SLC9C2: variants seen among roughly 807,000 people sequenced by gnomAD.
SLC9C2 encodes solute carrier family 9 member C2 (putative).
A neutral mutation model predicts 140.2 loss-of-function variants in SLC9C2; 75 were observed. That is an observed-to-expected ratio of 0.53 (90% CI 0.44 to 0.65). SLC9C2 has a LOEUF of 0.65. Ranked by LOEUF, SLC9C2 falls within the 30% of genes least tolerant of loss-of-function variation. The pLI is 0.00. For synonymous variants in SLC9C2, 375 were observed against 420.9 expected (o/e 0.89, Z 1.34); for missense variants, 1,074 against 1,331.8 (o/e 0.81, Z 3.01).
intron 11 of SLC9C2, among the ~76,000 whole-genome samples, chr1:173,553,696 C>A (rs1161426970): frequency 2.0e-5 from 3 of 152,238 alleles, no homozygotes; most frequent in Non-Finnish European, 4.4e-5. Context: ...GTAAACACAA[C>A]TTTTATATGT....
intron 2 of SLC9C2, among the ~76,000 whole-genome samples, chr1:173,601,334 G>A (rs2102286910): frequency 6.6e-6 from 1 of 152,258 alleles, no homozygotes; most frequent in Non-Finnish European, 1.5e-5. Context: ...GAATCTTGAC[G>A]ACAACTTTAT....
At chr1:173,596,955 G>A (rs1485897248) in intron 4 of SLC9C2, among the ~76,000 whole-genome samples, 1 of 151,884 alleles carries the variant, frequency 6.6e-6, no homozygotes, top group African/African-American at 2.4e-5. Context: ...ATAATTGCAA[G>A]GAGAAATTCA....
chr1:173,526,368 T>A (rs1661197317), intron 19 of SLC9C2, among the ~76,000 whole-genome samples: 1 of 152,196 alleles, frequency 6.6e-6, no homozygotes, highest in East Asian at 1.9e-4. Context: ...TTAATACACT[T>A]TCCACACTCC....
chr1:173,569,363 G>C (rs1389182102), intron 9 of SLC9C2, among the ~76,000 whole-genome samples: 1 of 151,742 alleles, frequency 6.6e-6, no homozygotes, highest in Non-Finnish European at 1.5e-5. Flanking sequence ...CTTCTTTTCT[G>C]CTTTTAGGGT....
At chr1:173,576,521 A>T (rs576408849) in intron 8 of SLC9C2, 140 bp downstream of exon 8, 4 of 558,636 alleles carry the variant, frequency 7.2e-6, no homozygotes, top group Non-Finnish European at 1.2e-5. Flanking sequence ...ATTCTTTTCA[A>T]ATATAACTGA....
At chr1:173,543,578 G>A (rs1230982254) in intron 13 of SLC9C2, among the ~76,000 whole-genome samples, 2 of 152,152 alleles carry the variant, frequency 1.3e-5, no homozygotes, top group Non-Finnish European at 2.9e-5. Context: ...CAAAGCTGGA[G>A]GCATCACACT....
intron 13 of SLC9C2, 105 bp downstream of exon 13, chr1:173,547,584 T>C (rs1414578204): frequency 1.4e-6 from 1 of 740,520 alleles, no homozygotes; most frequent in Non-Finnish European, 2.1e-6. Context: ...TAACAATCAA[T>C]AGACTATGAG....
At chr1:173,545,083 T>A (rs1376275467) in intron 13 of SLC9C2, among the ~76,000 whole-genome samples, 2 of 152,162 alleles carry the variant, frequency 1.3e-5, no homozygotes, top group Non-Finnish European at 1.5e-5. Flanking sequence ...AGGGTGTGGC[T>A]GAAGGCCCTT....
chr1:173,597,845 T>A (rs1666529410), intron 4 of SLC9C2, 59 bp downstream of exon 4: 2 of 1,477,282 alleles, frequency 1.4e-6, no homozygotes, highest in East Asian at 4.8e-5. Flanking sequence ...GGCAGCCATA[T>A]TCTCTATCAA....
Position 173,599,362 on chromosome 1 carries a change from A to ATTTTTTTTTTTTT in SLC9C2, c.228+742_228+754dup, listed in dbSNP as rs61579339. Reference sequence around the variant, plus strand: ...CAAGAGCGCAAACACATTTTCCTTGATTTTTTTTTTTTTTTTTTTTTTTTT... The same window carrying ATTTTTTTTTTTTT: ...CAAGAGCGCAAACACATTTTCCTTGATTTTTTTTTTTTTTTTTTTTTTTTTTTTTTTTTTTTTT... On this transcript the variant is annotated intron_variant, in intron 3 of 27. Transcript: ENST00000367714. 1.1e-3 allele frequency among the ~76,000 whole-genome samples: 73 copies of ATTTTTTTTTTTTT among 68,116 alleles called. 19 individuals carry two copies. The highest frequency in any genetic ancestry group is 2.8e-3 in the African/African-American group (59 of 21,134). 44.7% of individuals were successfully genotyped at this position (68,116 alleles called of 152,430 possible).
intron 17 of SLC9C2, among the ~76,000 whole-genome samples, chr1:173,532,793 T>C (rs1411204009): frequency 1.3e-5 from 2 of 152,134 alleles, no homozygotes; most frequent in Admixed American, 6.5e-5. Context: ...ATGCCTGTAA[T>C]CCCAGCACTT....
chr1:173,518,408 ATAT>A (rs1219168322), intron 22 of SLC9C2, among the ~76,000 whole-genome samples: 1 of 152,282 alleles, frequency 6.6e-6, no homozygotes, highest in East Asian at 1.9e-4. Context: ...CATAAATCAG[ATAT>A]TATGAATTAA....
chr1:173,573,435 C>T, intron 8 of SLC9C2, 110 bp from the exon 9 acceptor site: 1 of 770,112 alleles, frequency 1.3e-6, no homozygotes, highest in Non-Finnish European at 1.9e-6. Context: ...TTAGCAGAGG[C>T]CCTTGCCTTC....
At chr1:173,591,101 G>A (rs116773173) in intron 4 of SLC9C2, among the ~76,000 whole-genome samples, 1,752 of 152,094 alleles carry the variant, frequency 0.012, 44 homozygotes, top group African/African-American at 0.041. Context: ...TCACCATTTA[G>A]CTTCCACTTG....
intron 9 of SLC9C2, among the ~76,000 whole-genome samples, chr1:173,563,219 G>T (rs1482077349): frequency 6.6e-6 from 1 of 151,754 alleles, no homozygotes; most frequent in Non-Finnish European, 1.5e-5. Context: ...AGCTGATGAG[G>T]GGGGCAGGGC....
intron 9 of SLC9C2, among the ~76,000 whole-genome samples, chr1:173,570,004 G>A (rs1258359026): frequency 6.6e-6 from 1 of 151,980 alleles, no homozygotes; most frequent in Non-Finnish European, 1.5e-5. Context: ...AAGGCCCAAG[G>A]GCTCTTCAAG....
chr1:173,529,854 T>C (rs370030198), intron 18 of SLC9C2, 51 bp downstream of exon 18: 3 of 1,559,980 alleles, frequency 1.9e-6, no homozygotes, highest in Non-Finnish European at 1.7e-6. Flanking sequence ...TAAAAGAAGT[T>C]AATACACCTA....
At chr1:173,501,169 G>A in intron 27 of SLC9C2, 72 bp from the exon 28 acceptor site, 1 of 1,412,816 alleles carries the variant, frequency 7.1e-7, no homozygotes, top group Non-Finnish European at 9.4e-7. Flanking sequence ...CTATTAAATG[G>A]AACCAGAAAA....
intron 9 of SLC9C2, chr1:173,571,578 T>G (rs994595114): frequency 3.3e-5 from 5 of 152,220 alleles, no homozygotes; most frequent in African/African-American, 4.8e-5. Flanking sequence ...TTATTTATTT[T>G]CATAGTCTTT....
Sources: gnomAD v4.1 joint callset for allele counts (sites outside exome capture counted in the v4.1 genomes callset) on GRCh38, gnomAD v4.1.1 for gene constraint, MANE v1.5 for transcripts, NCBI Gene and HGNC (gene_info 2026-07-23, HGNC 2026-07-21) for gene names.